LUC7L2: variants seen among roughly 807,000 people sequenced by gnomAD.
LUC7L2 encodes putative RNA-binding protein Luc7-like 2.
A neutral mutation model predicts 52.8 loss-of-function variants in LUC7L2; 25 were observed. That is an observed-to-expected ratio of 0.47 (90% CI 0.34 to 0.66). The LOEUF (loss-of-function observed/expected upper bound fraction) is 0.66. Ranked by LOEUF, LUC7L2 falls within the 30% of genes least tolerant of loss-of-function variation. LUC7L2 has a pLI of 0.01. For missense variants in LUC7L2, 328 were observed against 497.8 expected, an observed-to-expected ratio of 0.66 and a Z score of 3.25; for synonymous variants, 144 against 160.9, an observed-to-expected ratio of 0.89 and a Z score of 0.80.
Position 139,360,284 on chromosome 7 carries a change from G to T in LUC7L2, c.23G>T (p.Arg8Leu). 1 of 1,569,810 alleles carries T rather than the reference G, an allele frequency of 6.4e-7. No individual in the cohort carries two copies. Among genetic ancestry groups the T allele is most frequent in the South Asian group, 1.2e-5 (1 of 85,666 alleles). ...GCCATGTCGGCGCAGGCCCAGATGCGCGCGATGCTGGACCAGTTGATGGGC... is the reference window on the plus strand; with the variant it reads ...GCCATGTCGGCGCAGGCCCAGATGCTCGCGATGCTGGACCAGTTGATGGGC... MSAQAQM[R>L]AMLDQLMGTS... Residue 8 changes from arginine to leucine, a missense_variant, in exon 1 of 10, where the codon CGC becomes CTC. Transcript: ENST00000354926.
In LUC7L2 at chr7:139,412,538, T is replaced by C. The variant is rs771942830; in HGVS notation, c.780-13T>C. 183 of 1,377,290 alleles carry C rather than the reference T, an allele frequency of 1.3e-4. No individual in the cohort carries two copies. The highest frequency in any genetic ancestry group is 5.2e-4 in the African/African-American group (36 of 69,552). 85.3% of individuals were successfully genotyped at this position (1,377,290 alleles called of 1,614,324 possible). On this transcript the variant is annotated splice_polypyrimidine_tract_variant and intron_variant, in intron 7 of 9. Transcript: ENST00000354926. ...TAGCCACTTTTCTAAAAATACATAT[T>C]TTTTTTTTTTAGGTCCCGATCACAC...
At chr7:139,377,958 C>T (rs960636248) in intron 2 of LUC7L2, among the ~76,000 whole-genome samples, 1 of 150,734 alleles carries the variant, frequency 6.6e-6, no homozygotes, top group African/African-American at 2.4e-5. Flanking sequence ...GGTGGAGCTA[C>T]AGGCACACAC....
chr7:139,348,989 C>T (rs985023046), intron 1 of LUC7L2, among the ~76,000 whole-genome samples: 3 of 150,746 alleles, frequency 2.0e-5, no homozygotes, highest in South Asian at 2.1e-4. Flanking sequence ...AGTGAAACCC[C>T]GTTTGTACTA....
chr7:139,374,395 G>A (rs1800606075), intron 1 of LUC7L2: 3 of 1,549,948 alleles, frequency 1.9e-6, no homozygotes, highest in Non-Finnish European at 2.6e-6. Context: ...TGTTTTATTT[G>A]TAAAGGTTCA....
chr7:139,368,080 C>G (rs553508353), intron 1 of LUC7L2, among the ~76,000 whole-genome samples: 1 of 152,202 alleles, frequency 6.6e-6, no homozygotes, highest in Non-Finnish European at 1.5e-5. Context: ...ATTTAATTTA[C>G]TCCATTGTGT....
rs1197777191 is a variant in LUC7L2 at position 139,405,625 on chromosome 7, CT to C, written c.367-13del. On this transcript the variant is annotated intron_variant, in intron 4 of 9. Transcript: ENST00000354926. ...CATTCTCTTGTTTATTCATGATCTT[CT>C]TTTTTATTTCTTTTTAGGCAGAACG... The C allele has an allele frequency of 3.8e-6, 6 of 1,571,498 alleles. No individual in the cohort carries two copies. Among genetic ancestry groups the C allele is most frequent in the Non-Finnish European group, 5.1e-6 (6 of 1,166,040 alleles).
chr7:139,370,914 A>T (rs115869454), intron 1 of LUC7L2, among the ~76,000 whole-genome samples: 1 of 144,446 alleles, frequency 6.9e-6, no homozygotes, highest in Non-Finnish European at 1.5e-5. Flanking sequence ...GTTTCTCTGC[A>T]TTTAGGGATT....
At chr7:139,360,813 A>G (rs935527780) in intron 1 of LUC7L2, among the ~76,000 whole-genome samples, 7 of 152,116 alleles carry the variant, frequency 4.6e-5, no homozygotes, top group Non-Finnish European at 1.5e-5. Context: ...CCAGTCTCAG[A>G]GATGCACCCT....
chr7:139,411,528 T>TA (rs1795359655), intron 7 of LUC7L2, among the ~76,000 whole-genome samples: 1 of 152,132 alleles, frequency 6.6e-6, no homozygotes, highest in Admixed American at 6.6e-5. Flanking sequence ...ATATGTAACT[T>TA]ACTTAGGTCA....
At chr7:139,341,560 G>T in intron 1 of LUC7L2, 1 of 1,597,894 alleles carries the variant, frequency 6.3e-7, no homozygotes, top group Non-Finnish European at 8.6e-7. Context: ...ACGTGCTGGG[G>T]AGGGAGGAAG....
upstream of LUC7L2, among the ~76,000 whole-genome samples, chr7:139,357,885 G>A (rs934576899): frequency 6.6e-6 from 1 of 151,606 alleles, no homozygotes; most frequent in African/African-American, 2.4e-5. Flanking sequence ...TAGAGACAGG[G>A]TTTCACCATG....
At chr7:139,393,259 T>G (rs1175053051) in intron 2 of LUC7L2, among the ~76,000 whole-genome samples, 2 of 151,114 alleles carry the variant, frequency 1.3e-5, no homozygotes, top group African/African-American at 4.9e-5. Flanking sequence ...AGAGCGAGAC[T>G]CTGTCTCCAA....
chr7:139,360,085 G>C lies in LUC7L2; in HGVS notation c.-177G>C, dbSNP rs1799783654. 1.1e-5 allele frequency: 6 copies of C among 559,630 alleles called. No individual in the cohort carries two copies. The East Asian group carries it at 1.7e-4, about 15-fold the overall frequency. 34.7% of individuals were successfully genotyped at this position (559,630 alleles called of 1,614,324 possible). A position where few individuals can be genotyped will look rare whatever the true frequency, so the allele number is the denominator to read the frequency against. On this transcript the variant is annotated 5_prime_UTR_variant, in exon 1 of 10. Transcript: ENST00000354926. ...TCGTCTTCCACGTACACGTCGTCGTGAGGAGCGCAGTCCGGACTCTTCCCG... is the reference window on the plus strand; with the variant it reads ...TCGTCTTCCACGTACACGTCGTCGTCAGGAGCGCAGTCCGGACTCTTCCCG...
chr7:139,382,957 C>T (rs1032316840), intron 2 of LUC7L2, among the ~76,000 whole-genome samples: 7 of 150,842 alleles, frequency 4.6e-5, no homozygotes, highest in African/African-American at 1.5e-4. Context: ...GAGGAGTCTC[C>T]CTTTGTTGCC....
At chr7:139,344,733 CCTT>C (rs1406026761) in intron 1 of LUC7L2, among the ~76,000 whole-genome samples, 3 of 124,356 alleles carry the variant, frequency 2.4e-5, no homozygotes, top group African/African-American at 6.4e-5. Flanking sequence ...GATGGAGTCT[CCTT>C]CTGTTACCCA....
At chr7:139,393,717 A>G (rs1377318581) in intron 2 of LUC7L2, among the ~76,000 whole-genome samples, 1 of 152,144 alleles carries the variant, frequency 6.6e-6, no homozygotes, top group Non-Finnish European at 1.5e-5. Context: ...AGGTGCTGGG[A>G]TTTCAGGAGT....
chr7:139,374,611 A>G, intron 1 of LUC7L2: 2 of 1,493,594 alleles, frequency 1.3e-6, no homozygotes, highest in Non-Finnish European at 1.8e-6. Context: ...AAATTGTGTC[A>G]AAAATAACCT....
chr7:139,341,538 C>T, intron 1 of LUC7L2: 1 of 1,607,354 alleles, frequency 6.2e-7, no homozygotes, highest in Non-Finnish European at 8.5e-7. Context: ...GGAGCCATGT[C>T]CCGGGTGCTC....
chr7:139,344,165 G>A (rs1030518836), intron 1 of LUC7L2, among the ~76,000 whole-genome samples: 1 of 152,102 alleles, frequency 6.6e-6, no homozygotes, highest in Non-Finnish European at 1.5e-5. Flanking sequence ...GGGGACTTTG[G>A]AATGGATATG....
Sources: allele counts gnomAD v4.1 joint callset (sites outside exome capture counted in the v4.1 genomes callset), GRCh38; gene constraint gnomAD v4.1.1; transcripts MANE v1.5; gene names NCBI Gene and HGNC (gene_info 2026-07-23, HGNC 2026-07-21).